The following TIPIN variants were observed in gnomAD, a reference collection of about 807,000 sequenced individuals.
TIPIN encodes TIMELESS-interacting protein.
TIPIN carries 29 observed loss-of-function variants against 35.6 expected under a neutral mutation model. The observed-to-expected ratio is 0.82, with a 90% CI of 0.61 to 1.11. The LOEUF (loss-of-function observed/expected upper bound fraction) is 1.11, where lower values mean the gene tolerates loss of function less well. Ranked by LOEUF, TIPIN falls within the 50% of genes most tolerant of loss-of-function variation. TIPIN has a pLI of 0.00. For synonymous variants in TIPIN, 102 were observed against 121.5 expected (o/e 0.84, Z 1.06); for missense variants, 296 against 345.4 (o/e 0.86, Z 1.13).
In TIPIN at chr15:66,352,923, C is replaced by A; in HGVS notation, c.25G>T (p.Val9Leu). The A allele has an allele frequency of 6.2e-7, 1 of 1,613,666 alleles. No individual in the cohort carries two copies. Among genetic ancestry groups the A allele is most frequent in the Middle Eastern group, 1.7e-4 (1 of 6,060 alleles). The change falls in exon 2 of 8, where the codon GTG becomes TTG. Residue 9 changes from valine (V) to leucine (L), a missense_variant. Transcript: ENST00000261881. ...TGCTCATAATCTGGTAGGTCAATCA[C>A]GCCATTCTCCTGTGGTTCTAGCATC... MLEPQENG[V>L]IDLPDYEHVE...
At chr15:66,382,657 G>C (rs531806632) in intron 1 of TIPIN, among the ~76,000 whole-genome samples, 44 of 152,308 alleles carry the variant, frequency 2.9e-4, no homozygotes, top group Non-Finnish European at 3.2e-4. Context: ...TTACGGGAGT[G>C]ACAGGAGTGA....
chr15:66,384,935 A>G (rs2093330957), intron 1 of TIPIN, among the ~76,000 whole-genome samples: 1 of 152,004 alleles, frequency 6.6e-6, no homozygotes. Context: ...AAACAAAACA[A>G]AAACACCCCC....
rs1464324905 is a variant in TIPIN, at chr15:66,336,849, T to C, written c.*109A>G. The C allele has an allele frequency of 1.2e-5, 10 of 805,872 alleles. No individual in the cohort carries two copies. The highest frequency in any genetic ancestry group is 1.8e-5 in the Non-Finnish European group (9 of 511,442). The allele number at this position is 805,872 out of a possible 1,614,324, so 49.9% of individuals were successfully genotyped here. On this transcript the variant is annotated 3_prime_UTR_variant, in exon 8 of 8. Transcript: ENST00000261881. ...GATTATCAGATTTTAAACAATAATC[T>C]ATAACAGTTTTACTATCTAAGGATT...
At chr15:66,345,175 G>A (rs902638162) in intron 6 of TIPIN, among the ~76,000 whole-genome samples, 9 of 152,132 alleles carry the variant, frequency 5.9e-5, no homozygotes, top group African/African-American at 1.9e-4. Flanking sequence ...AGCACAGTTT[G>A]AGGAGTGTAA....
At chr15:66,352,708 C>T (rs959651285) in intron 2 of TIPIN, 107 bp downstream of exon 2, 161 of 1,262,838 alleles carry the variant, frequency 1.3e-4, no homozygotes, top group Admixed American at 7.7e-4. Context: ...GTCTCAAATT[C>T]CTGACCTTGT....
Position 66,364,970 on chromosome 15 carries a change from A to AAAAAAAAAAAG in TIPIN, c.-8-12016_-8-12015insCTTTTTTTTTT, listed in dbSNP as rs1555409817. 2.6e-4 allele frequency among the ~76,000 whole-genome samples: 36 copies of AAAAAAAAAAAG among 137,690 alleles called. 4 individuals carry two copies. The highest frequency in any genetic ancestry group is 3.5e-4 in the Non-Finnish European group (22 of 63,542). The allele number at this position is 137,690 out of a possible 152,430, so 90.3% of individuals were successfully genotyped here. On this transcript the variant is annotated intron_variant, in intron 1 of 7. Transcript: ENST00000562124. ...GACAAGAGTGAAACTCCATCTCAAA[A>AAAAAAAAAAAG]AAAAAGAAAAAGAAAAAGAAAGAAA...
chr15:66,385,190 CT>C (rs1243482212), intron 1 of TIPIN, among the ~76,000 whole-genome samples: 1 of 152,220 alleles, frequency 6.6e-6, no homozygotes, highest in African/African-American at 2.4e-5. Flanking sequence ...ACGGCTAAGA[CT>C]TTGTGTAGGA....
Position 66,341,227 on chromosome 15 carries a change from C to A in TIPIN, c.605G>T (p.Arg202Ile). The change falls in exon 7 of 8, where the codon AGA becomes ATA. Residue 202 changes from arginine to isoleucine, a missense_variant. Coordinates refer to ENST00000261881, the MANE Select transcript of TIPIN (RefSeq NM_017858.3). ...SRSLTEEQQQ[R>I]IERNKQLALE... Reference sequence around the variant, plus strand: ...GGCCAGTTGTTTATTTCTCTCAATTCTTTGTTGTTGCTCTTCTGTTAGGCT... The same window carrying A: ...GGCCAGTTGTTTATTTCTCTCAATTATTTGTTGTTGCTCTTCTGTTAGGCT... The A allele has an allele frequency of 6.2e-7, 1 of 1,613,466 alleles. No homozygotes were observed. Among genetic ancestry groups the A allele is most frequent in the Non-Finnish European group, 8.5e-7 (1 of 1,180,010 alleles).
intron 6 of TIPIN, among the ~76,000 whole-genome samples, chr15:66,344,069 T>A (rs995205719): frequency 5.3e-5 from 8 of 152,132 alleles, no homozygotes; most frequent in African/African-American, 1.7e-4. Flanking sequence ...GGATTCTAAA[T>A]CAATAAGAAA....
At chr15:66,369,921 A>G (rs1207915360) in intron 1 of TIPIN, among the ~76,000 whole-genome samples, 1 of 152,154 alleles carries the variant, frequency 6.6e-6, no homozygotes, top group Non-Finnish European at 1.5e-5. Flanking sequence ...ACTTGGCAGG[A>G]AACGGATGAT....
chr15:66,342,233 G>A (rs1320962644), intron 6 of TIPIN, among the ~76,000 whole-genome samples: 2 of 149,268 alleles, frequency 1.3e-5, no homozygotes, highest in East Asian at 4.0e-4. Flanking sequence ...GTTCTTGATT[G>A]TAATTAGAAA....
At chr15:66,370,600 A>G (rs1595816251) in intron 1 of TIPIN, among the ~76,000 whole-genome samples, 1 of 152,302 alleles carries the variant, frequency 6.6e-6, no homozygotes, top group African/African-American at 2.4e-5. Context: ...ACAGGAGCTT[A>G]AAAATCCAGA....
chr15:66,365,710 C>T (rs1225741362), intron 1 of TIPIN, among the ~76,000 whole-genome samples: 1 of 152,114 alleles, frequency 6.6e-6, no homozygotes, highest in Non-Finnish European at 1.5e-5. Context: ...CCATGCCCGG[C>T]TAATTTTTGT....
At chr15:66,376,380 G>A (rs1209748430) in intron 1 of TIPIN, among the ~76,000 whole-genome samples, 6 of 151,944 alleles carry the variant, frequency 3.9e-5, no homozygotes, top group Non-Finnish European at 8.8e-5. Flanking sequence ...CAGTAATCAT[G>A]TATGTAGAAA....
At chr15:66,345,216 G>A (rs188554825) in intron 6 of TIPIN, among the ~76,000 whole-genome samples, 28 of 152,120 alleles carry the variant, frequency 1.8e-4, no homozygotes, top group Non-Finnish European at 2.9e-5. Context: ...GGGTACAAGG[G>A]AAGAGTGTTC....
chr15:66,356,696 C>G, upstream of TIPIN: 1 of 985,530 alleles, frequency 1.0e-6, no homozygotes, highest in South Asian at 4.7e-5. Flanking sequence ...AAGCGCGCTT[C>G]TCGCGATACT....
At chr15:66,378,956 C>T (rs1301458251) in intron 1 of TIPIN, among the ~76,000 whole-genome samples, 1 of 152,132 alleles carries the variant, frequency 6.6e-6, no homozygotes, top group African/African-American at 2.4e-5. Flanking sequence ...ATGGGGGTCT[C>T]ACTATGTTGA....
At chr15:66,364,210 G>A (rs1279524029) in intron 1 of TIPIN, among the ~76,000 whole-genome samples, 1 of 136,612 alleles carries the variant, frequency 7.3e-6, no homozygotes, top group South Asian at 2.4e-4. Context: ...TTGTTGCCCA[G>A]GCTGTAGTGC....
chr15:66,381,601 G>A (rs1337487381), intron 1 of TIPIN, among the ~76,000 whole-genome samples: 2 of 152,024 alleles, frequency 1.3e-5, no homozygotes, highest in Admixed American at 6.6e-5. Context: ...CTCTTCTGTT[G>A]AATATTTAGG....
Sources: allele counts gnomAD v4.1 joint callset (sites outside exome capture counted in the v4.1 genomes callset), GRCh38; gene constraint gnomAD v4.1.1; transcripts MANE v1.5; gene names NCBI Gene and HGNC (gene_info 2026-07-23, HGNC 2026-07-21).